SPEF2: variants seen among roughly 807,000 people sequenced by gnomAD.
The protein encoded by SPEF2 is sperm flagella and cilia-associated protein 2.
A neutral mutation model predicts 224.6 loss-of-function variants in SPEF2; 187 were observed. The observed-to-expected ratio is 0.83, with a 90% CI of 0.74 to 0.94. The LOEUF is 0.94. Among genes scored for constraint, SPEF2 ranks in the 40% least tolerant of loss-of-function variants. The probability of loss-of-function intolerance (pLI) is 0.00; values close to 1 mark genes in which losing one functional copy is unlikely to be tolerated. For synonymous variants in SPEF2, 715 were observed against 707.3 expected, an observed-to-expected ratio of 1.01 and a Z score of -0.17; for missense variants, 2,170 against 2,135.6, an observed-to-expected ratio of 1.02 and a Z score of -0.32.
At chr5:35,717,244 T>A (rs1282965995) in intron 20 of SPEF2, among the ~76,000 whole-genome samples, 2 of 152,200 alleles carry the variant, frequency 1.3e-5, no homozygotes, top group Admixed American at 1.3e-4. Context: ...AGACACCATA[T>A]GTAAGATCCC....
At position 35,692,617 on chromosome 5, in the gene SPEF2, A is replaced by G. The variant is rs766968285; in HGVS notation, c.1792A>G (p.Ile598Val). The part of the protein sequence containing the change: ...LSIDTLVQEA[I>V]QAFHDNEKVS... Reference sequence around the variant, plus strand: ...TATTGACACTCTTGTCCAAGAAGCTATCCAAGCATTTCATGACAATGAAAA... The same window carrying G: ...TATTGACACTCTTGTCCAAGAAGCTGTCCAAGCATTTCATGACAATGAAAA... The change falls in exon 12 of 37, where the codon ATC becomes GTC. Residue 598 changes from isoleucine to valine, a missense_variant. By Grantham distance (29) the Ile-to-Val change is conservative. Transcript: ENST00000356031. 13 of 1,613,776 alleles carry G rather than the reference A, an allele frequency of 8.1e-6. No homozygotes were observed. In the South Asian group the frequency reaches 1.4e-4, roughly 18 times the overall value.
intron 24 of SPEF2, among the ~76,000 whole-genome samples, chr5:35,758,552 C>A (rs111778859): frequency 1.6e-4 from 25 of 152,296 alleles, no homozygotes; most frequent in African/African-American, 6.0e-4. Flanking sequence ...ATGACCGATG[C>A]TCATCTTGCC....
In SPEF2 at chr5:35,659,161, A is replaced by C; in HGVS notation, c.1121A>C (p.Glu374Ala). 5.0e-6 allele frequency: 8 copies of C among 1,612,856 alleles called. No homozygotes were observed. Among genetic ancestry groups the C allele is most frequent in the Non-Finnish European group, 6.8e-6 (8 of 1,179,278 alleles). The change falls in exon 8 of 37, where the codon GAG (glutamate) becomes GCG (alanine). Residue 374 changes from glutamate (E) to alanine (A), a missense_variant. Transcript: ENST00000356031. ...QNRIFREKQH[E>A]ERRLKDFQDA... The stretch of plus-strand genomic sequence containing the variant: ...AGAATTTTCAGAGAAAAACAACATG[A>C]GGAAAGACGACTTAAAGATTTCCAG...
intron 15 of SPEF2, chr5:35,698,909 C>T (rs1262759002): frequency 2.0e-5 from 3 of 152,202 alleles, no homozygotes; most frequent in Admixed American, 6.5e-5. Flanking sequence ...GACGAAGGAA[C>T]TCAAGGAAAT....
At chr5:35,664,718 G>C (rs541657958) in intron 8 of SPEF2, among the ~76,000 whole-genome samples, 1 of 145,344 alleles carries the variant, frequency 6.9e-6, no homozygotes, top group Admixed American at 6.7e-5. Flanking sequence ...GAGAGAGAGA[G>C]GGAGGGAGAG....
intron 2 of SPEF2, among the ~76,000 whole-genome samples, chr5:35,629,330 A>T (rs1362264506): frequency 4.0e-5 from 6 of 148,222 alleles, no homozygotes; most frequent in South Asian, 4.3e-4. Context: ...TTTTTTTTCT[A>T]TTTTTTTTAG....
chr5:35,695,856 G>GT (rs201318605), intron 14 of SPEF2, 60 bp downstream of exon 14: 1 of 1,292,142 alleles, frequency 7.7e-7, no homozygotes, highest in South Asian at 1.4e-5. Context: ...GATTAATGGT[G>GT]TTTTGGAGTG....
chr5:35,745,900 G>T (rs1019133734), intron 23 of SPEF2, among the ~76,000 whole-genome samples: 1 of 152,214 alleles, frequency 6.6e-6, no homozygotes, highest in African/African-American at 2.4e-5. Context: ...TCAAGGCTAA[G>T]AACTGTCATG....
chr5:35,681,278 A>G (rs1044726561), intron 10 of SPEF2, among the ~76,000 whole-genome samples: 3 of 152,220 alleles, frequency 2.0e-5, no homozygotes, highest in African/African-American at 7.2e-5. Flanking sequence ...CTGATAACTA[A>G]GATCTAATAA....
At chr5:35,709,483 C>A (rs1288071355) in intron 19 of SPEF2, 1 of 999,558 alleles carries the variant, frequency 1.0e-6, no homozygotes, top group Non-Finnish European at 1.2e-6. Context: ...TGAGTAAGAA[C>A]ATCTTAATAA....
intron 36 of SPEF2, among the ~76,000 whole-genome samples, chr5:35,808,534 A>G (rs1758332379): frequency 6.6e-6 from 1 of 151,938 alleles, no homozygotes; most frequent in African/African-American, 2.4e-5. Flanking sequence ...TTTGCTGAGA[A>G]TGATGGTTTC....
Position 35,617,889 on chromosome 5 carries a change from G to T in SPEF2, c.-109G>T. 5.8e-6 allele frequency: 6 copies of T among 1,042,774 alleles called. No individual in the cohort carries two copies. The South Asian group carries it at 8.2e-5, about 14-fold the overall frequency. The allele number at this position is 1,042,774 out of a possible 1,614,324, so 64.6% of individuals were successfully genotyped here. A position where few individuals can be genotyped will look rare whatever the true frequency, so the allele number is the denominator to read the frequency against. On this transcript the variant is annotated 5_prime_UTR_variant, in exon 1 of 37. Transcript: ENST00000356031. ...TTTCGCCTAGTTCCAGCCTGGATAC[G>T]CTTCCATAGCAAAGGGTTGCCCTTG...
intron 24 of SPEF2, among the ~76,000 whole-genome samples, chr5:35,754,040 G>A (rs1363275465): frequency 6.6e-6 from 1 of 152,112 alleles, no homozygotes; most frequent in Admixed American, 6.6e-5. Flanking sequence ...AGTAGAAATA[G>A]TGTTTACAAC....
chr5:35,754,438 C>T (rs749478844), intron 24 of SPEF2, among the ~76,000 whole-genome samples: 5 of 152,086 alleles, frequency 3.3e-5, no homozygotes, highest in African/African-American at 1.2e-4. Flanking sequence ...ATTGACATTA[C>T]CAGAAGGAAA....
At position 35,667,253 on chromosome 5, in the gene SPEF2, C is replaced by A; in HGVS notation, c.1349C>A (p.Thr450Lys). The A allele has an allele frequency of 6.3e-7, 1 of 1,591,330 alleles. No homozygotes were observed. Among genetic ancestry groups the A allele is most frequent in the Non-Finnish European group, 8.6e-7 (1 of 1,167,538 alleles). Residue 450 changes from threonine (T) to lysine (K), a missense_variant, in exon 9 of 37, where the codon ACA becomes AAA. Thr to Lys is a moderately conservative substitution (Grantham distance 78). Coordinates refer to ENST00000356031, the MANE Select transcript of SPEF2 (RefSeq NM_024867.4). ...STKVADYRML[T>K]NNLIPYKLMH... ...AAAGTGGCAGACTATCGAATGTTGACAAATAAGTAAGTATTTTTTTTGTAA... is the reference window on the plus strand; with the variant it reads ...AAAGTGGCAGACTATCGAATGTTGAAAAATAAGTAAGTATTTTTTTTGTAA...
At chr5:35,668,085 T>TGGAAAAC (rs1750761979) in intron 9 of SPEF2, among the ~76,000 whole-genome samples, 1 of 152,152 alleles carries the variant, frequency 6.6e-6, no homozygotes, top group Non-Finnish European at 1.5e-5. Context: ...ATAGCCCCTC[T>TGGAAAAC]GGAAAACAGT....
At chr5:35,639,084 AT>A (rs1315533460) in intron 2 of SPEF2, among the ~76,000 whole-genome samples, 2 of 152,182 alleles carry the variant, frequency 1.3e-5, no homozygotes, top group African/African-American at 4.8e-5. Flanking sequence ...AAGGAGCCCC[AT>A]TTTGGATGAA....
chr5:35,751,309 C>T, intron 23 of SPEF2, among the ~76,000 whole-genome samples: 1 of 144,468 alleles, frequency 6.9e-6, no homozygotes, highest in Non-Finnish European at 1.5e-5. Context: ...ACTTTGGGGA[C>T]TTGGGGGGAA....
At chr5:35,680,650 C>T (rs1378633640) in intron 10 of SPEF2, among the ~76,000 whole-genome samples, 1 of 152,128 alleles carries the variant, frequency 6.6e-6, no homozygotes, top group Non-Finnish European at 1.5e-5. Flanking sequence ...GAGAATGATG[C>T]TGTGTGGATA....
Sources: gnomAD v4.1 joint callset for allele counts (sites outside exome capture counted in the v4.1 genomes callset) on GRCh38, gnomAD v4.1.1 for gene constraint, MANE v1.5 for transcripts, NCBI Gene and HGNC (gene_info 2026-07-23, HGNC 2026-07-21) for gene names.